Variants in SLIT3 observed in about 807,000 individuals in gnomAD.
The protein encoded by SLIT3 is slit guidance ligand 3, also known as slit homolog 3 protein.
Under a neutral mutation model 184.0 loss-of-function variants are expected in SLIT3, and 68 were observed. The ratio of observed to expected loss-of-function variants is 0.37; its 90% CI spans 0.30 to 0.45. The LOEUF (loss-of-function observed/expected upper bound fraction) is 0.45. Among genes scored for constraint, SLIT3 ranks in the 20% least tolerant of loss-of-function variants. The pLI, the probability that SLIT3 is intolerant of heterozygous loss-of-function variation, is 1.00. For synonymous variants in SLIT3, 831 were observed against 828.6 expected (o/e 1.00, Z -0.05); for missense variants, 1,707 against 2,026.0 (o/e 0.84, Z 3.02).
intron 1 of SLIT3, among the ~76,000 whole-genome samples, chr5:169,284,218 C>A (rs1423540529): frequency 6.6e-6 from 1 of 152,202 alleles, no homozygotes; most frequent in Non-Finnish European, 1.5e-5. Flanking sequence ...CTGGAGGAAG[C>A]CAGGGGATCT....
At chr5:168,828,386 A>C (rs762136323) in intron 6 of SLIT3, among the ~76,000 whole-genome samples, 1 of 152,108 alleles carries the variant, frequency 6.6e-6, no homozygotes, top group Non-Finnish European at 1.5e-5. Flanking sequence ...ATCCCAGTAC[A>C]TTGTGAGGCC....
At chr5:169,070,137 C>A (rs1758490614) in intron 4 of SLIT3, among the ~76,000 whole-genome samples, 1 of 152,204 alleles carries the variant, frequency 6.6e-6, no homozygotes, top group Admixed American at 6.5e-5. Flanking sequence ...AGGGAGCTGG[C>A]TGAAAGGTGA....
intron 4 of SLIT3, among the ~76,000 whole-genome samples, chr5:168,895,730 C>T (rs1431063730): frequency 6.6e-6 from 1 of 152,188 alleles, no homozygotes; most frequent in Non-Finnish European, 1.5e-5. Context: ...ATAACTCACA[C>T]CTGTGGATGT....
At chr5:168,782,256 C>T (rs936959792) in intron 12 of SLIT3, among the ~76,000 whole-genome samples, 1 of 152,166 alleles carries the variant, frequency 6.6e-6, no homozygotes, top group Admixed American at 6.5e-5. Context: ...TTTAAGACCA[C>T]CTGGAGCGGG....
chr5:169,149,265 G>A (rs890770317), intron 4 of SLIT3, among the ~76,000 whole-genome samples: 1 of 151,968 alleles, frequency 6.6e-6, no homozygotes, highest in Non-Finnish European at 1.5e-5. Context: ...ATGATTGTTT[G>A]GCGGTAAAAT....
chr5:169,251,268 A>G (rs898752470), intron 2 of SLIT3, 120 bp downstream of exon 2: 3 of 737,872 alleles, frequency 4.1e-6, no homozygotes, highest in Admixed American at 1.8e-5. Flanking sequence ...TTTCTGCTGC[A>G]GAATGGTGAA....
At chr5:169,015,476 G>A (rs1756328062) in intron 4 of SLIT3, among the ~76,000 whole-genome samples, 1 of 152,228 alleles carries the variant, frequency 6.6e-6, no homozygotes, top group African/African-American at 2.4e-5. Flanking sequence ...GGCTGGAGCA[G>A]TGTCCGCTGC....
chr5:168,794,625 G>A (rs1756501974), intron 10 of SLIT3, among the ~76,000 whole-genome samples: 1 of 152,176 alleles, frequency 6.6e-6, no homozygotes, highest in East Asian at 1.9e-4. Context: ...TGTAGGGGGT[G>A]CTCACATGTT....
intron 4 of SLIT3, among the ~76,000 whole-genome samples, chr5:168,973,751 T>C (rs916631738): frequency 1.3e-5 from 2 of 152,300 alleles, no homozygotes. Context: ...TCCTCCTACC[T>C]AGCCCTGAGC....
At chr5:169,028,208 G>A (rs1024429695) in intron 4 of SLIT3, among the ~76,000 whole-genome samples, 3 of 151,664 alleles carry the variant, frequency 2.0e-5, no homozygotes, top group Non-Finnish European at 4.4e-5. Context: ...AGAATGCCAG[G>A]GGTTATTTCT....
intron 4 of SLIT3, among the ~76,000 whole-genome samples, chr5:169,055,773 G>A (rs558297442): frequency 1.3e-5 from 2 of 151,860 alleles, no homozygotes; most frequent in Admixed American, 6.6e-5. Context: ...GGTGGTTGCA[G>A]TGAGCCAAGA....
intron 9 of SLIT3, among the ~76,000 whole-genome samples, chr5:168,797,085 G>A (rs1756589323): frequency 6.6e-6 from 1 of 152,094 alleles, no homozygotes; most frequent in Non-Finnish European, 1.5e-5. Context: ...TTTACCGGGA[G>A]CACAGTCACA....
chr5:169,233,027 C>CATAT lies in SLIT3; in HGVS notation c.341+11674_341+11677dup, dbSNP rs138919749. Among the ~76,000 whole-genome samples the CATAT allele has an allele frequency of 7.6e-3, 1,161 of 152,148 alleles. 16 individuals carry two copies. The highest frequency in any genetic ancestry group is 0.027 in the African/African-American group (1,116 of 41,470). On this transcript the variant is annotated intron_variant, in intron 3 of 35. Transcript: ENST00000519560. The stretch of plus-strand genomic sequence containing the variant: ...ATTCCTAGGCACTGGTATATATACA[C>CATAT]ATATATATATTTATTTTGAGATAGA...
chr5:169,190,301 T>C (rs1436372373), intron 4 of SLIT3, among the ~76,000 whole-genome samples: 2 of 152,252 alleles, frequency 1.3e-5, no homozygotes, highest in Non-Finnish European at 2.9e-5. Context: ...GTCTTTTGCA[T>C]TAGCTCACAA....
intron 20 of SLIT3, among the ~76,000 whole-genome samples, chr5:168,729,910 T>C (rs1403457011): frequency 6.6e-6 from 1 of 152,034 alleles, no homozygotes; most frequent in African/African-American, 2.4e-5. Flanking sequence ...AAATGCTCCA[T>C]CTTAAAGATA....
rs116545872 is a variant in SLIT3, at chr5:169,244,259, C to T, written c.341+446G>A. 7.3e-3 allele frequency among the ~76,000 whole-genome samples: 1,117 copies of T among 152,368 alleles called. 11 individuals are homozygous for T. Among genetic ancestry groups the T allele is most frequent in the African/African-American group, 0.024 (1,012 of 41,594 alleles). Reference sequence around the variant, plus strand: ...CCCACTCACCAGTCCTTCCTCTCCCCGCAAGAGTGGGGCAGAGAACACTCA... The same window carrying T: ...CCCACTCACCAGTCCTTCCTCTCCCTGCAAGAGTGGGGCAGAGAACACTCA... On this transcript the variant is annotated intron_variant, in intron 3 of 35. Coordinates refer to ENST00000519560, the MANE Select transcript of SLIT3 (RefSeq NM_003062.4).
chr5:169,049,054 GAA>G (rs1235852279), intron 4 of SLIT3, among the ~76,000 whole-genome samples: 3 of 152,152 alleles, frequency 2.0e-5, no homozygotes, highest in Non-Finnish European at 4.4e-5. Context: ...GTTTCTTCGA[GAA>G]AAGTCAATAG....
chr5:168,907,944 G>GTA (rs1224392381), intron 4 of SLIT3, among the ~76,000 whole-genome samples: 37 of 53,082 alleles, frequency 7.0e-4, no homozygotes, highest in East Asian at 5.2e-3. Context: ...TATTATACGT[G>GTA]TATATATATA....
chr5:168,994,930 C>A (rs1269216313), intron 4 of SLIT3, among the ~76,000 whole-genome samples: 1 of 152,144 alleles, frequency 6.6e-6, no homozygotes, highest in Non-Finnish European at 1.5e-5. Flanking sequence ...ACATGAGCCA[C>A]TGCGCCCAGC....
Sources: allele counts gnomAD v4.1 joint callset (sites outside exome capture counted in the v4.1 genomes callset), GRCh38; gene constraint gnomAD v4.1.1; transcripts MANE v1.5; gene names NCBI Gene and HGNC (gene_info 2026-07-23, HGNC 2026-07-21).